DCDC1: variants seen among roughly 807,000 people sequenced by gnomAD.
The protein encoded by DCDC1 is doublecortin domain containing 1, also known as doublecortin domain-containing protein 1.
A neutral mutation model predicts 178.3 loss-of-function variants in DCDC1; 200 were observed. The observed-to-expected ratio is 1.12, with a 90% CI of 1.00 to 1.26. The LOEUF is 1.26. DCDC1 is among the 50% of genes most tolerant of loss of function. DCDC1 has a pLI of 0.00. For missense variants in DCDC1, 1,983 were observed against 1,749.2 expected (o/e 1.13, Z -2.38); for synonymous variants, 690 against 604.8 (o/e 1.14, Z -2.07).
chr11:31,335,757 G>C (rs1268237602), intron 1 of DCDC1, among the ~76,000 whole-genome samples, 193 bp from the exon 2 acceptor site: 1 of 152,110 alleles, frequency 6.6e-6, no homozygotes, highest in Admixed American at 6.5e-5. Context: ...GGAGGCTGGG[G>C]ACCCCTGATC....
intron 20 of DCDC1, among the ~76,000 whole-genome samples, chr11:30,980,839 A>G (rs938293668): frequency 6.6e-6 from 1 of 152,194 alleles, no homozygotes; most frequent in Non-Finnish European, 1.5e-5. Flanking sequence ...CATTTGACCC[A>G]GAAACCCCAC....
intron 1 of DCDC1, among the ~76,000 whole-genome samples, chr11:31,363,728 C>T (rs1951821046): frequency 6.6e-6 from 1 of 152,042 alleles, no homozygotes; most frequent in Non-Finnish European, 1.5e-5. Flanking sequence ...AAATTAACAC[C>T]CCTTGATCAT....
intron 5 of DCDC1, 139 bp downstream of exon 5, chr11:31,306,093 G>T: frequency 2.3e-6 from 2 of 888,626 alleles, no homozygotes; most frequent in Non-Finnish European, 3.1e-6. Flanking sequence ...AAATTCCTAT[G>T]AAATCTACGT....
At chr11:31,074,892 A>C (rs1956775119) in intron 18 of DCDC1, among the ~76,000 whole-genome samples, 2 of 152,254 alleles carry the variant, frequency 1.3e-5, no homozygotes, top group African/African-American at 4.8e-5. Flanking sequence ...ACAGAGCCTA[A>C]ATTTTTTTTA....
chr11:31,111,162 T>G (rs1475503559), intron 11 of DCDC1, among the ~76,000 whole-genome samples: 1 of 152,154 alleles, frequency 6.6e-6, no homozygotes, highest in Non-Finnish European at 1.5e-5. Context: ...TTTAAATCCC[T>G]GCTTTTTATT....
chr11:31,305,536 G>A, intron 6 of DCDC1, 79 bp downstream of exon 6: 1 of 1,517,916 alleles, frequency 6.6e-7, no homozygotes. Context: ...AAAAAGACAG[G>A]ATGAAAATCA....
At chr11:31,196,821 G>T (rs1344759409) in intron 9 of DCDC1, among the ~76,000 whole-genome samples, 3 of 152,040 alleles carry the variant, frequency 2.0e-5, no homozygotes, top group Non-Finnish European at 4.4e-5. Flanking sequence ...AAGGTCAAGG[G>T]ATATGGTTGA....
chr11:31,014,522 C>T (rs98768), intron 20 of DCDC1, among the ~76,000 whole-genome samples: 2,071 of 152,200 alleles, frequency 0.014, 51 homozygotes, highest in African/African-American at 0.048. Context: ...TCCTGGATTC[C>T]GGATCCTTAG....
intron 9 of DCDC1, among the ~76,000 whole-genome samples, chr11:31,164,850 C>T (rs1448472254): frequency 6.6e-6 from 1 of 152,100 alleles, no homozygotes; most frequent in African/African-American, 2.4e-5. Context: ...ATTTGCTCAC[C>T]ACTCCCTCAC....
At chr11:31,361,812 A>G (rs1951722919) in intron 1 of DCDC1, among the ~76,000 whole-genome samples, 1 of 152,180 alleles carries the variant, frequency 6.6e-6, no homozygotes. Context: ...AGGCTTGCTA[A>G]TTCTTACTGT....
chr11:31,314,219 C>T (rs1199367302), intron 3 of DCDC1, among the ~76,000 whole-genome samples: 2 of 152,108 alleles, frequency 1.3e-5, no homozygotes, highest in African/African-American at 4.8e-5. Context: ...AATCTTTTGC[C>T]ATGATATAGA....
intron 1 of DCDC1, among the ~76,000 whole-genome samples, chr11:31,337,962 G>C (rs1329027362): frequency 6.6e-6 from 1 of 152,142 alleles, no homozygotes; most frequent in Non-Finnish European, 1.5e-5. Flanking sequence ...TGACTGACCT[G>C]TATTCAAATC....
chr11:31,265,645 A>G, intron 7 of DCDC1, 45 bp from the exon 8 acceptor site: 2 of 951,390 alleles, frequency 2.1e-6, no homozygotes, highest in Non-Finnish European at 2.9e-6. Flanking sequence ...AAACTGGTTA[A>G]ATTGAATACA....
chr11:30,866,499 C>T lies in DCDC1; in HGVS notation c.*41-1167G>A, dbSNP rs144443978. On this transcript the variant is annotated intron_variant, in intron 38 of 38. Transcript: ENST00000684477. The stretch of plus-strand genomic sequence containing the variant: ...TACTGCCCTCATGACTTAATTAGCC[C>T]CTAAGGGTCCCAGCTCTTACTACTA... 2.9e-3 allele frequency among the ~76,000 whole-genome samples: 446 copies of T among 152,138 alleles called. 1 individual carries two copies. The highest frequency in any genetic ancestry group is 0.01 in the African/African-American group (421 of 41,506).
rs1367457284 is a variant in DCDC1 at position 31,279,757 on chromosome 11, G to A, written c.960+10890C>T. On this transcript the variant is annotated intron_variant, in intron 7 of 38. Transcript: ENST00000684477. ...GTCAGGGGGTGGGGGGCTAGGCGAG[G>A]GATAACATCAGGAGAAATACCTAAT... Among the ~76,000 whole-genome samples the A allele has an allele frequency of 2.0e-5, 3 of 152,090 alleles. No individual in the cohort carries two copies. In the East Asian group the frequency reaches 5.8e-4, roughly 29 times the overall value.
chr11:31,365,384 A>G (rs905522768), intron 1 of DCDC1, among the ~76,000 whole-genome samples: 1 of 152,174 alleles, frequency 6.6e-6, no homozygotes, highest in Admixed American at 6.5e-5. Flanking sequence ...AGCTTAGTTC[A>G]CTGGTATAAA....
At chr11:31,080,593 A>G (rs1466445756) in intron 17 of DCDC1, among the ~76,000 whole-genome samples, 2 of 152,226 alleles carry the variant, frequency 1.3e-5, no homozygotes, top group East Asian at 1.9e-4. Context: ...GAGAAAGTTC[A>G]TATTTCAAAC....
intron 37 of DCDC1, among the ~76,000 whole-genome samples, chr11:30,879,974 G>GAA (rs201222245): frequency 6.4e-5 from 5 of 78,502 alleles, no homozygotes; most frequent in African/African-American, 2.5e-4. Context: ...ACCTCCTACT[G>GAA]CACACGTTTG....
chr11:30,908,811 A>C (rs1590322154), intron 29 of DCDC1, 135 bp downstream of exon 29: 1 of 656,018 alleles, frequency 1.5e-6, no homozygotes, highest in East Asian at 3.1e-5. Context: ...TCAGAGTCTA[A>C]GTGATTTCAC....
Sources: gnomAD v4.1 joint callset for allele counts (sites outside exome capture counted in the v4.1 genomes callset) on GRCh38, gnomAD v4.1.1 for gene constraint, MANE v1.5 for transcripts, NCBI Gene and HGNC (gene_info 2026-07-23, HGNC 2026-07-21) for gene names.